The following SNX15 variants were observed in gnomAD, a reference collection of about 807,000 sequenced individuals.
SNX15 encodes sorting nexin-15.
A neutral mutation model predicts 35.2 loss-of-function variants in SNX15; 29 were observed. The ratio of observed to expected loss-of-function variants is 0.82; its 90% confidence interval spans 0.61 to 1.12. The LOEUF (loss-of-function observed/expected upper bound fraction) is 1.12. Among genes scored for constraint, SNX15 ranks in the 50% most tolerant of loss-of-function variants. SNX15 has a pLI of 0.00. For synonymous variants in SNX15, 189 were observed against 188.2 expected (o/e 1.00, Z -0.03); for missense variants, 400 against 451.5 (o/e 0.89, Z 1.03).
At chr11:65,037,213 T>A (rs1048045808) in intron 6 of SNX15, 4 of 151,768 alleles carry the variant, frequency 2.6e-5, no homozygotes, top group Non-Finnish European at 5.9e-5. Flanking sequence ...AATTTTTTTA[T>A]TTTTTTTTAT....
At chr11:65,032,943 T>A (rs1946457408) in intron 3 of SNX15, among the ~76,000 whole-genome samples, 1 of 152,202 alleles carries the variant, frequency 6.6e-6, no homozygotes, top group Admixed American at 6.6e-5. Context: ...TGGCGCTGTC[T>A]TGGCTCACTG....
At chr11:65,035,394 C>A in intron 5 of SNX15, 126 bp from the exon 6 acceptor site, 1 of 1,300,760 alleles carries the variant, frequency 7.7e-7, no homozygotes, top group Non-Finnish European at 1.1e-6. Flanking sequence ...GTAAAATGAG[C>A]ACAAACCCTA....
intron 1 of SNX15, among the ~76,000 whole-genome samples, chr11:65,029,096 T>TATAAATAAATAA (rs113466481): frequency 0.031 from 4,631 of 148,402 alleles, 123 homozygotes; most frequent in South Asian, 0.11. Context: ...GTCTCAAAAA[T>TATAAATAAATAA]ATAAATAAAT....
chr11:65,030,359 A>C (rs971072893), intron 1 of SNX15, among the ~76,000 whole-genome samples: 2 of 151,250 alleles, frequency 1.3e-5, no homozygotes, highest in Non-Finnish European at 2.9e-5. Context: ...ATCTCAAAAA[A>C]AAATTTTTTT....
intron 3 of SNX15, among the ~76,000 whole-genome samples, chr11:65,033,858 C>T (rs1946469240): frequency 6.6e-6 from 1 of 151,984 alleles, no homozygotes; most frequent in South Asian, 2.1e-4. Flanking sequence ...AAGTAGTGTG[C>T]GCCACCACAC....
At chr11:65,027,710 TG>T in intron 1 of SNX15, 74 bp downstream of exon 1, 1 of 1,066,736 alleles carries the variant, frequency 9.4e-7, no homozygotes, top group Non-Finnish European at 1.5e-6. Flanking sequence ...GGAAAGGCGG[TG>T]CAGCCACTGC....
rs537024887 is a variant in SNX15 at position 65,032,304 on chromosome 11, C to G, written c.135+101C>G. ...TGCTTGGACATCGGCCCTCCTTCCT[C>G]CCTGTCCCTGGGCGAGGGGCTGCTG... On this transcript the variant is annotated intron_variant, in intron 2 of 7. Coordinates refer to ENST00000377244, the MANE Select transcript of SNX15 (RefSeq NM_013306.5). 23 of 1,577,950 alleles carry G rather than the reference C, an allele frequency of 1.5e-5. No individual in the cohort carries two copies. The East Asian group carries it at 4.7e-4, about 32-fold the overall frequency.
rs1245384852 is a variant in SNX15 at position 65,040,558 on chromosome 11, T to C, written c.*766T>C. The C allele has an allele frequency of 6.6e-6, 1 of 152,238 alleles. No homozygotes were observed. Among genetic ancestry groups the C allele is most frequent in the Non-Finnish European group, 1.5e-5 (1 of 68,044 alleles). 9.4% of individuals were successfully genotyped at this position (152,238 alleles called of 1,614,324 possible). A position where few individuals can be genotyped will look rare whatever the true frequency, so the allele number is the denominator to read the frequency against. On this transcript the variant is annotated 3_prime_UTR_variant, in exon 8 of 8. Coordinates refer to ENST00000377244, the MANE Select transcript of SNX15 (RefSeq NM_013306.5). ...GAAATTTAAGAGTCCATAAATAAAA[T>C]TTGTTGGAACACAACCAGGCTAATT...
At chr11:65,031,889 T>C (rs1646827487) in intron 1 of SNX15, among the ~76,000 whole-genome samples, 1 of 151,522 alleles carries the variant, frequency 6.6e-6, no homozygotes, top group African/African-American at 2.4e-5. Context: ...AGAGCGAGAC[T>C]CCATCTCAAA....
intron 6 of SNX15, 39 bp from the exon 7 acceptor site, chr11:65,038,533 A>G (rs2136941529): frequency 1.3e-6 from 2 of 1,502,818 alleles, no homozygotes; most frequent in Non-Finnish European, 8.9e-7. Flanking sequence ...TGGGAAAGGA[A>G]GGGCCAGTCT....
In SNX15 at chr11:65,033,125, C is replaced by T. The variant is rs1946459510; in HGVS notation, c.256+574C>T. On this transcript the variant is annotated intron_variant, in intron 3 of 7. Coordinates refer to ENST00000377244, the MANE Select transcript of SNX15 (RefSeq NM_013306.5). ...TCCTGACCTCAGCTGACCTGCCCGCCTTGGCTTCCCAAAGTGCTGGGATTA... is the reference window on the plus strand; with the variant it reads ...TCCTGACCTCAGCTGACCTGCCCGCTTTGGCTTCCCAAAGTGCTGGGATTA... Among the ~76,000 whole-genome samples the T allele has an allele frequency of 2.0e-5, 3 of 151,792 alleles. No individual in the cohort carries two copies. The South Asian group carries it at 6.2e-4, about 32-fold the overall frequency.
intron 2 of SNX15, 76 bp from the exon 3 acceptor site, chr11:65,032,355 C>A (rs1430904493): frequency 2.5e-6 from 4 of 1,610,296 alleles, no homozygotes; most frequent in Non-Finnish European, 3.4e-6. Flanking sequence ...CCTCACGCCC[C>A]CTGGGGGCAG....
At chr11:65,030,709 G>T (rs1946431528) in intron 1 of SNX15, among the ~76,000 whole-genome samples, 1 of 149,614 alleles carries the variant, frequency 6.7e-6, no homozygotes, top group Non-Finnish European at 1.5e-5. Context: ...ATGTTGGTTG[G>T]CCAGGCTGGT....
chr11:65,032,298 CT>C lies in SNX15; in HGVS notation c.135+97del, dbSNP rs753833001. ...TAACTCTGCTTGGACATCGGCCCTC[CT>C]TCCTCCCTGTCCCTGGGCGAGGGGC... On this transcript the variant is annotated intron_variant, in intron 2 of 7. Transcript: ENST00000377244. The C allele has an allele frequency of 1.1e-5, 17 of 1,572,762 alleles. No individual in the cohort carries two copies. In the Admixed American group the frequency reaches 2.8e-4, roughly 26 times the overall value.
chr11:65,032,632 T>A, intron 3 of SNX15, 81 bp downstream of exon 3: 1 of 1,563,148 alleles, frequency 6.4e-7, no homozygotes, highest in Non-Finnish European at 8.8e-7. Flanking sequence ...GGGGGCTGGA[T>A]AGAGAGGGCC....
At chr11:65,028,815 C>G (rs1254217385) in intron 1 of SNX15, among the ~76,000 whole-genome samples, 1 of 151,030 alleles carries the variant, frequency 6.6e-6, no homozygotes, top group Non-Finnish European at 1.5e-5. Flanking sequence ...CAGTGGTGGC[C>G]GGGCGCGGTG....
At chr11:65,038,135 G>C (rs12792845) in intron 6 of SNX15, 3 of 380,850 alleles carry the variant, frequency 7.9e-6, no homozygotes, top group East Asian at 3.2e-4. Flanking sequence ...AAACTGCAAG[G>C]CTTCAGAAAA....
At chr11:65,035,402 C>G in intron 5 of SNX15, 118 bp from the exon 6 acceptor site, 3 of 1,319,532 alleles carry the variant, frequency 2.3e-6, no homozygotes. Flanking sequence ...AGCACAAACC[C>G]TAATAACAGG....
In SNX15 at chr11:65,038,565, A is replaced by G; in HGVS notation, c.665-7A>G. The G allele has an allele frequency of 3.9e-6, 6 of 1,522,408 alleles. No individual in the cohort carries two copies. Among genetic ancestry groups the G allele is most frequent in the Non-Finnish European group, 5.3e-6 (6 of 1,137,128 alleles). The allele number at this position is 1,522,408 out of a possible 1,614,324, so 94.3% of individuals were successfully genotyped here. ...GTCTGGTCCGAGTCCTCCCTTTCTA[A>G]CTGCAGAAGGCGCAGCCCCCAGCCC... is the stretch of plus-strand genomic sequence containing the variant. On this transcript the variant is annotated splice_polypyrimidine_tract_variant and splice_region_variant and intron_variant, in intron 6 of 7. Transcript: ENST00000377244.
Sources: allele counts gnomAD v4.1 joint callset (sites outside exome capture counted in the v4.1 genomes callset), GRCh38; gene constraint gnomAD v4.1.1; transcripts MANE v1.5; gene names NCBI Gene and HGNC (gene_info 2026-07-23, HGNC 2026-07-21).